The following MRC1 variants were observed in gnomAD, a reference collection of about 807,000 sequenced individuals.
MRC1 encodes macrophage mannose receptor 1.
In MRC1, 62 loss-of-function variants were observed where a neutral mutation model predicts 102.9. The ratio of observed to expected loss-of-function variants is 0.60; its 90% CI spans 0.49 to 0.74. MRC1 has a LOEUF of 0.74. Among genes scored for constraint, MRC1 ranks in the 30% least tolerant of loss-of-function variants. The probability of loss-of-function intolerance (pLI) is 0.00; values close to 1 mark genes in which losing one functional copy is unlikely to be tolerated. For missense variants in MRC1, 1,237 were observed against 862.8 expected (o/e 1.43, Z -5.43); for synonymous variants, 457 against 298.4 (o/e 1.53, Z -5.48).
intron 7 of MRC1, among the ~76,000 whole-genome samples, chr10:17,850,996 A>G (rs556185352): frequency 0.02 from 3,044 of 152,290 alleles, 58 homozygotes; most frequent in South Asian, 0.097. Flanking sequence ...AAAATTCACA[A>G]TAGAAGATAA....
chr10:17,831,414 C>G (rs1347826660), intron 3 of MRC1, among the ~76,000 whole-genome samples: 1 of 151,164 alleles, frequency 6.6e-6, no homozygotes, highest in Non-Finnish European at 1.5e-5. Context: ...GTTAAAGCAC[C>G]TTAAAAATTT....
chr10:17,897,636 G>C (rs1009237254), intron 23 of MRC1, among the ~76,000 whole-genome samples: 3 of 152,284 alleles, frequency 2.0e-5, no homozygotes, highest in Non-Finnish European at 4.4e-5. Context: ...GACTTTTCTT[G>C]ACTTTGACTT....
intron 1 of MRC1, among the ~76,000 whole-genome samples, chr10:17,810,768 C>G (rs1838208771): frequency 6.6e-6 from 1 of 152,084 alleles, no homozygotes; most frequent in African/African-American, 2.4e-5. Context: ...ACATAAAAGG[C>G]CAAATAAAAA....
intron 3 of MRC1, among the ~76,000 whole-genome samples, chr10:17,828,162 C>A (rs565407086): frequency 1.3e-5 from 2 of 152,168 alleles, no homozygotes; most frequent in Non-Finnish European, 2.9e-5. Context: ...CTGCAAGCTC[C>A]GCCTCCCGAG....
intron 4 of MRC1, among the ~76,000 whole-genome samples, chr10:17,837,137 G>A (rs1488111505): frequency 1.3e-5 from 2 of 152,266 alleles, no homozygotes; most frequent in African/African-American, 2.4e-5. Context: ...TAATCAGCAA[G>A]GGCTTTTCTT....
At chr10:17,841,214 C>T (rs1838744464) in intron 5 of MRC1, among the ~76,000 whole-genome samples, 1 of 152,154 alleles carries the variant, frequency 6.6e-6, no homozygotes, top group African/African-American at 2.4e-5. Context: ...GAGGATTAGC[C>T]AACATCTCTT....
At chr10:17,834,957 G>T (rs1179513297) in intron 4 of MRC1, among the ~76,000 whole-genome samples, 1 of 152,054 alleles carries the variant, frequency 6.6e-6, no homozygotes, top group Non-Finnish European at 1.5e-5. Flanking sequence ...TCCTATGACT[G>T]CCATGTTCAA....
intron 24 of MRC1, among the ~76,000 whole-genome samples, chr10:17,899,228 A>C (rs1401561354): frequency 6.6e-6 from 1 of 152,208 alleles, no homozygotes; most frequent in Non-Finnish European, 1.5e-5. Context: ...TAAGTAGGGA[A>C]GTGTGTATTT....
intron 21 of MRC1, among the ~76,000 whole-genome samples, chr10:17,883,817 G>C (rs954573774): frequency 6.6e-6 from 1 of 152,200 alleles, no homozygotes; most frequent in Admixed American, 6.5e-5. Context: ...TGCCATGGGA[G>C]GCCTGGAGGT....
chr10:17,839,018 C>T (rs1838711310), intron 4 of MRC1, among the ~76,000 whole-genome samples: 1 of 152,104 alleles, frequency 6.6e-6, no homozygotes, highest in Non-Finnish European at 1.5e-5. Context: ...AATTTTGCTT[C>T]TAAGTCACAC....
At chr10:17,814,742 G>T (rs1838284403) in intron 1 of MRC1, among the ~76,000 whole-genome samples, 2 of 140,298 alleles carry the variant, frequency 1.4e-5, no homozygotes, top group Admixed American at 1.5e-4. Flanking sequence ...CTGGAGTGCA[G>T]TGGCGCCATC....
At chr10:17,892,443 A>G (rs979933963) in intron 22 of MRC1, among the ~76,000 whole-genome samples, 2 of 152,008 alleles carry the variant, frequency 1.3e-5, no homozygotes, top group African/African-American at 2.4e-5. Flanking sequence ...CCCTATATCC[A>G]TCAGTCCGTT....
At chr10:17,826,143 T>C (rs1388333933) in intron 2 of MRC1, among the ~76,000 whole-genome samples, 1 of 152,186 alleles carries the variant, frequency 6.6e-6, no homozygotes, top group Non-Finnish European at 1.5e-5. Context: ...GCTACATGTT[T>C]TACAAGCTTT....
rs35541231 is a variant in MRC1 at position 17,902,016 on chromosome 10, G to A, written c.3693G>A (p.Pro1231=). The change falls in exon 26 of 30, where the codon CCG becomes CCA. Residue 1231 remains proline, a synonymous_variant. Coordinates refer to ENST00000569591, the MANE Select transcript of MRC1 (RefSeq NM_002438.4). The part of the protein sequence containing the change: ...TEPPQLPGRC[P]ESDHTAWIPF... Reference sequence around the variant, plus strand: ...CCCCACAACTGCCTGGCAGATGCCCGGAGTCAGATCACACAGCATGGATTC... The same window carrying A: ...CCCCACAACTGCCTGGCAGATGCCCAGAGTCAGATCACACAGCATGGATTC... 0.013 allele frequency: 9,975 copies of A among 780,732 alleles called. 106 individuals carry two copies. The highest frequency in any genetic ancestry group is 0.033 in the Middle Eastern group (145 of 4,436). The allele number at this position is 780,732 out of a possible 1,614,324, so 48.4% of individuals were successfully genotyped here. A position where few individuals can be genotyped will look rare whatever the true frequency, so the allele number is the denominator to read the frequency against.
At chr10:17,901,401 T>C (rs1177542093) in intron 25 of MRC1, among the ~76,000 whole-genome samples, 1 of 152,146 alleles carries the variant, frequency 6.6e-6, no homozygotes, top group South Asian at 2.1e-4. Context: ...AGAAAATTTA[T>C]CTTTGGGCCG....
At chr10:17,827,947 T>C (rs1017062876) in intron 3 of MRC1, among the ~76,000 whole-genome samples, 1,580 of 152,322 alleles carry the variant, frequency 0.01, 28 homozygotes, top group African/African-American at 0.035. Flanking sequence ...GTAGGCTTTG[T>C]ATGTGTATTT....
intron 3 of MRC1, among the ~76,000 whole-genome samples, chr10:17,831,416 T>G (rs2461139): frequency 0.45 from 67,801 of 150,942 alleles, 16,690 homozygotes; most frequent in African/African-American, 0.61. Context: ...TAAAGCACCT[T>G]AAAAATTTGT....
At chr10:17,870,181 T>G in intron 12 of MRC1, 65 bp from the exon 13 acceptor site, 1 of 741,476 alleles carries the variant, frequency 1.3e-6, no homozygotes, top group Non-Finnish European at 2.5e-6. Flanking sequence ...AAAGTAAATA[T>G]TTGTTTCTCT....
At chr10:17,813,841 G>T (rs1464565804) in intron 1 of MRC1, among the ~76,000 whole-genome samples, 2 of 151,692 alleles carry the variant, frequency 1.3e-5, no homozygotes, top group African/African-American at 4.8e-5. Context: ...GGCACCACAG[G>T]TGCATGCCAC....
Sources: allele counts gnomAD v4.1 joint callset (sites outside exome capture counted in the v4.1 genomes callset), GRCh38; gene constraint gnomAD v4.1.1; transcripts MANE v1.5; gene names NCBI Gene and HGNC (gene_info 2026-07-23, HGNC 2026-07-21).